Variants in AVEN observed in about 807,000 individuals in gnomAD.
The protein encoded by AVEN is cell death regulator Aven.
A neutral mutation model predicts 38.1 loss-of-function variants in AVEN; 41 were observed. The ratio of observed to expected loss-of-function variants is 1.08; its 90% confidence interval spans 0.84 to 1.40. The LOEUF (loss-of-function observed/expected upper bound fraction) is 1.40. AVEN is among the 40% of genes most tolerant of loss of function. The probability of loss-of-function intolerance (pLI) is 0.00; values close to 1 mark genes in which losing one functional copy is unlikely to be tolerated. For missense variants in AVEN, 605 were observed against 438.8 expected (o/e 1.38, Z -3.38); for synonymous variants, 206 against 171.8 (o/e 1.20, Z -1.56).
upstream of AVEN, among the ~76,000 whole-genome samples, chr15:34,040,078 C>T (rs773975887): frequency 1.3e-5 from 2 of 152,282 alleles, no homozygotes; most frequent in Non-Finnish European, 2.9e-5. Context: ...CTGGTTCTTT[C>T]CTATATCCAT....
intron 2 of AVEN, among the ~76,000 whole-genome samples, chr15:33,899,294 C>T (rs1017806604): frequency 4.6e-5 from 7 of 152,028 alleles, no homozygotes; most frequent in African/African-American, 1.7e-4. Flanking sequence ...ACTGAATTTT[C>T]TTCATTGATC....
At chr15:33,887,895 T>C (rs984621538) in intron 2 of AVEN, among the ~76,000 whole-genome samples, 1 of 152,060 alleles carries the variant, frequency 6.6e-6, no homozygotes, top group African/African-American at 2.4e-5. Flanking sequence ...AAAACCACCA[T>C]ACAAATAATC....
intron 2 of AVEN, among the ~76,000 whole-genome samples, chr15:33,922,391 T>G (rs955513670): frequency 6.6e-6 from 1 of 152,130 alleles, no homozygotes; most frequent in African/African-American, 2.4e-5. Context: ...TTAGTAAACC[T>G]TGATGTAAGC....
At chr15:33,905,273 A>G (rs1198772039) in intron 2 of AVEN, among the ~76,000 whole-genome samples, 2 of 152,108 alleles carry the variant, frequency 1.3e-5, no homozygotes, top group Non-Finnish European at 1.5e-5. Flanking sequence ...ACTGCTGTTC[A>G]CTACTTACTT....
chr15:34,040,552 A>T (rs1899428278), upstream of AVEN, among the ~76,000 whole-genome samples: 1 of 152,220 alleles, frequency 6.6e-6, no homozygotes, highest in South Asian at 2.1e-4. Context: ...TTTGGGACTA[A>T]TAGCTGGCCT....
At chr15:33,953,697 C>G (rs1159659275) in intron 2 of AVEN, among the ~76,000 whole-genome samples, 5 of 152,158 alleles carry the variant, frequency 3.3e-5, no homozygotes, top group Admixed American at 3.3e-4. Flanking sequence ...TAAAAGAAAA[C>G]CTAGGCATTA....
chr15:33,972,546 C>T (rs1895686020), intron 2 of AVEN: 1 of 151,754 alleles, frequency 6.6e-6, no homozygotes, highest in African/African-American at 2.4e-5. Flanking sequence ...AAAACAAAAA[C>T]AAAAAAACAA....
chr15:34,027,130 A>C (rs1336526156), intron 1 of AVEN, among the ~76,000 whole-genome samples: 1 of 152,170 alleles, frequency 6.6e-6, no homozygotes, highest in South Asian at 2.1e-4. Context: ...CCAAAGACTC[A>C]CAAAAGTCCA....
chr15:33,918,096 T>C (rs752718434), intron 2 of AVEN, among the ~76,000 whole-genome samples: 7 of 152,240 alleles, frequency 4.6e-5, no homozygotes, highest in Non-Finnish European at 8.8e-5. Flanking sequence ...TTCACTTTTT[T>C]CTACTTTTTA....
intron 1 of AVEN, among the ~76,000 whole-genome samples, chr15:34,013,733 C>T (rs1406469383): frequency 6.6e-6 from 1 of 152,084 alleles, no homozygotes; most frequent in Non-Finnish European, 1.5e-5. Flanking sequence ...AAAAACATCA[C>T]CAATGGGGGA....
At chr15:34,044,248 C>G (rs1412497769) in intron 5 of AVEN, among the ~76,000 whole-genome samples, 1 of 152,176 alleles carries the variant, frequency 6.6e-6, no homozygotes, top group African/African-American at 2.4e-5. Flanking sequence ...ACTCCTCAAG[C>G]CTTTTGTGCC....
chr15:34,012,683 T>C (rs992519569), intron 1 of AVEN, among the ~76,000 whole-genome samples: 1 of 152,244 alleles, frequency 6.6e-6, no homozygotes, highest in Non-Finnish European at 1.5e-5. Context: ...ATCAGACCAT[T>C]AAATAGCTGT....
chr15:33,914,102 A>G (rs1275534743), intron 2 of AVEN, among the ~76,000 whole-genome samples: 2 of 152,118 alleles, frequency 1.3e-5, no homozygotes, highest in Non-Finnish European at 2.9e-5. Flanking sequence ...AGGTGCTTAC[A>G]TTTGAGGAAT....
intron 2 of AVEN, among the ~76,000 whole-genome samples, chr15:33,880,795 A>T (rs563570933): frequency 2.0e-5 from 3 of 152,344 alleles, no homozygotes; most frequent in African/African-American, 7.2e-5. Context: ...ACAGAGATTA[A>T]GATATTGGGG....
chr15:33,866,778 A>C, intron 5 of AVEN, 50 bp from the exon 6 acceptor site: 1 of 1,363,112 alleles, frequency 7.3e-7, no homozygotes, highest in Non-Finnish European at 1.0e-6. Context: ...CCTAAAATTG[A>C]AGGTATAATT....
intron 3 of AVEN, among the ~76,000 whole-genome samples, chr15:33,875,622 G>C (rs12902946): frequency 0.012 from 1,820 of 152,236 alleles, 25 homozygotes; most frequent in Non-Finnish European, 0.017. Flanking sequence ...CGTGGCAAAG[G>C]AGGAAGACCA....
chr15:34,039,203 G>T lies in AVEN; in HGVS notation c.-157C>A. The T allele has an allele frequency of 1.8e-6, 1 of 566,432 alleles. No homozygotes were observed. Among genetic ancestry groups the T allele is most frequent in the Non-Finnish European group, 2.3e-6 (1 of 439,930 alleles). The allele number at this position is 566,432 out of a possible 1,614,324, so 35.1% of individuals were successfully genotyped here. A position where few individuals can be genotyped will look rare whatever the true frequency, so the allele number is the denominator to read the frequency against. ...GGGCTAGGGATCGAGGCCGGCCGCA[G>T]CGGAGCGGGGCGGGGCGGGGCGGCC... is the stretch of plus-strand genomic sequence containing the variant. On this transcript the variant is annotated 5_prime_UTR_variant, in exon 1 of 6. It adds an upstream start codon to the 5' untranslated region. Transcript: ENST00000306730.
intron 2 of AVEN, among the ~76,000 whole-genome samples, chr15:33,957,770 G>T (rs1321096857): frequency 1.3e-5 from 2 of 151,484 alleles, no homozygotes; most frequent in Non-Finnish European, 2.9e-5. Flanking sequence ...AATTCCATTT[G>T]TGCAGTCCAG....
Position 34,063,002 on chromosome 15 carries a change from C to T in AVEN, n.1557G>A, listed in dbSNP as rs1900399253. On this transcript the variant is annotated non_coding_transcript_exon_variant, in exon 5 of 12. Transcript: ENST00000675287. The surrounding 1 kb of genome is among the most constrained non-coding windows in gnomAD (Gnocchi z 4.1). The stretch of plus-strand genomic sequence containing the variant: ...ACACCACCTACATCCTCATGGGACG[C>T]TGGGCTCTCGGGAGTCTGGCTTGTG... 5.0e-6 allele frequency: 8 copies of T among 1,614,104 alleles called. No individual in the cohort carries two copies. Among genetic ancestry groups the T allele is most frequent in the African/African-American group, 1.3e-5 (1 of 74,942 alleles).
Sources: allele counts gnomAD v4.1 joint callset (sites outside exome capture counted in the v4.1 genomes callset), GRCh38; gene constraint gnomAD v4.1.1; non-coding constraint Gnocchi (gnomAD v3.1); transcripts MANE v1.5; gene names NCBI Gene and HGNC (gene_info 2026-07-23, HGNC 2026-07-21).